The following PKHD1L1 variants were observed in gnomAD, a reference collection of about 807,000 sequenced individuals.
PKHD1L1 encodes PKHD1 like 1.
PKHD1L1 carries 434 observed loss-of-function variants against 462.9 expected under a neutral mutation model. The ratio of observed to expected loss-of-function variants is 0.94; its 90% CI spans 0.87 to 1.02. The LOEUF (loss-of-function observed/expected upper bound fraction) is 1.02. Among genes scored for constraint, PKHD1L1 ranks in the 50% least tolerant of loss-of-function variants. PKHD1L1 has a pLI of 0.00. For missense variants in PKHD1L1, 5,202 were observed against 5,096.1 expected (o/e 1.02, Z -0.63); for synonymous variants, 1,781 against 1,750.0 (o/e 1.02, Z -0.44).
chr8:109,443,796 G>A lies in PKHD1L1; in HGVS notation c.4685G>A (p.Ser1562Asn). 6.2e-7 allele frequency: 1 copy of A among 1,613,774 alleles called. No homozygotes were observed. The highest frequency in any genetic ancestry group is 8.5e-7 in the Non-Finnish European group (1 of 1,179,770). ...NSKRLLFEVSSCFSPSISNIT... is the reference protein window; with the variant it reads ...NSKRLLFEVSNCFSPSISNIT... ...AAAAGATTGCTATTTGAGGTTTCAAGTTGTTTTTCACCATCTATAAGCAAC... is the reference window on the plus strand; with the variant it reads ...AAAAGATTGCTATTTGAGGTTTCAAATTGTTTTTCACCATCTATAAGCAAC... The change falls in exon 37 of 78, where the codon AGT (serine) becomes AAT (asparagine). Residue 1562 changes from serine to asparagine, a missense_variant. Physicochemically the swap from Ser to Asn is conservative, Grantham distance 46. This residue lies in a region of PKHD1L1 where 4,497 missense variants were observed against 4,336.8 expected (regional missense o/e 1.04). Coordinates refer to ENST00000378402, the MANE Select transcript of PKHD1L1 (RefSeq NM_177531.6).
intron 22 of PKHD1L1, among the ~76,000 whole-genome samples, chr8:109,420,083 T>G (rs1427782154): frequency 6.6e-6 from 1 of 152,162 alleles, no homozygotes; most frequent in Non-Finnish European, 1.5e-5. Context: ...TGTCAGGCAT[T>G]GTGTCAAGTA....
At chr8:109,463,680 C>G (rs980397191) in intron 48 of PKHD1L1, among the ~76,000 whole-genome samples, 3 of 152,092 alleles carry the variant, frequency 2.0e-5, no homozygotes, top group African/African-American at 7.2e-5. Flanking sequence ...TAGAGTTAGA[C>G]CAACTTGGGT....
At chr8:109,480,632 C>T (rs1277673596) in intron 55 of PKHD1L1, 1 of 455,288 alleles carries the variant, frequency 2.2e-6, no homozygotes, top group South Asian at 1.6e-5. Context: ...GGTCTTGAAC[C>T]TGTACCAGCT....
intron 4 of PKHD1L1, among the ~76,000 whole-genome samples, 189 bp downstream of exon 4, chr8:109,382,760 G>A (rs1563723235): frequency 6.6e-6 from 1 of 151,444 alleles, no homozygotes. Context: ...TTTCTGATTT[G>A]TTTCCCCTCC....
chr8:109,411,835 C>T (rs1813871498), intron 19 of PKHD1L1, among the ~76,000 whole-genome samples: 3 of 152,172 alleles, frequency 2.0e-5, no homozygotes, highest in Non-Finnish European at 4.4e-5. Flanking sequence ...AGATGCCTCC[C>T]TTGAGCCTTA....
chr8:109,445,187 G>A lies in PKHD1L1; in HGVS notation c.5318G>A (p.Gly1773Glu). The A allele has an allele frequency of 6.2e-7, 1 of 1,613,894 alleles. No individual in the cohort carries two copies. Among genetic ancestry groups the A allele is most frequent in the South Asian group, 1.1e-5 (1 of 91,082 alleles). The change falls in exon 38 of 78, where the codon GGG (glycine) becomes GAG (glutamate). Residue 1773 changes from glycine (G) to glutamate (E), a missense_variant. Gly to Glu is a moderately conservative substitution (Grantham distance 98). Around this residue, in one of 3 missense-constraint regions of PKHD1L1, gnomAD observed 4,497 missense variants for 4,336.8 expected, o/e 1.04. Coordinates refer to ENST00000378402, the MANE Select transcript of PKHD1L1 (RefSeq NM_177531.6). ...VKVLIEGEGL[G>E]TVLEDIAVFI... ...GTTCTTATTGAAGGAGAAGGTTTGG[G>A]GACTGTTTTGGAGGACATTGCTGTT...
At chr8:109,436,587 G>C (rs950492699) in intron 30 of PKHD1L1, 128 bp downstream of exon 30, 1 of 1,422,088 alleles carries the variant, frequency 7.0e-7, no homozygotes, top group Non-Finnish European at 9.3e-7. Flanking sequence ...TTTCTATTAT[G>C]CTCCTTAAAA....
Position 109,442,107 on chromosome 8 carries a change from A to G in PKHD1L1, c.4305A>G (p.Ile1435Met). The change falls in exon 35 of 78, where the codon ATA (isoleucine) becomes ATG (methionine). Residue 1435 changes from isoleucine to methionine, a missense_variant. Around this residue, in one of 3 missense-constraint regions of PKHD1L1, gnomAD observed 4,497 missense variants for 4,336.8 expected, o/e 1.04. Transcript: ENST00000378402. Reference sequence around the variant, plus strand: ...AAACACATCCGTTTCTTAGAGGGATAGGATATAGGATTTTTTCTGTCTCCA... The same window carrying G: ...AAACACATCCGTTTCTTAGAGGGATGGGATATAGGATTTTTTCTGTCTCCA... ...HWQTHPFLRGIGYRIFSVSSP... is the reference protein window; with the variant it reads ...HWQTHPFLRGMGYRIFSVSSP... The G allele has an allele frequency of 6.2e-7, 1 of 1,613,528 alleles. No homozygotes were observed. The highest frequency in any genetic ancestry group is 8.5e-7 in the Non-Finnish European group (1 of 1,179,576).
chr8:109,364,665 G>A, intron 2 of PKHD1L1, 29 bp downstream of exon 2: 1 of 477,236 alleles, frequency 2.1e-6, no homozygotes, highest in Non-Finnish European at 2.8e-6. Context: ...TTTTTTTTTT[G>A]CCAAGGTTGA....
rs527266095 is a variant in PKHD1L1, at chr8:109,401,447, G to A, written c.1282-50G>A. 1.0e-4 allele frequency: 98 copies of A among 935,286 alleles called. No individual in the cohort carries two copies. In the East Asian group the frequency reaches 2.2e-3, roughly 21 times the overall value. 57.9% of individuals were successfully genotyped at this position (935,286 alleles called of 1,614,324 possible). On this transcript the variant is annotated intron_variant, in intron 13 of 77. Coordinates refer to ENST00000378402, the MANE Select transcript of PKHD1L1 (RefSeq NM_177531.6). ...TGATAAATAAATAAATGTTGAAAAG[G>A]TCTATTAATAAATTCTCCCTTTTCT...
chr8:109,403,931 C>G (rs1813398962), intron 14 of PKHD1L1, among the ~76,000 whole-genome samples: 1 of 152,080 alleles, frequency 6.6e-6, no homozygotes, highest in African/African-American at 2.4e-5. Flanking sequence ...TCAGTGAAGG[C>G]ACTACCTTGG....
chr8:109,426,862 A>G (rs2130673814), intron 24 of PKHD1L1, 140 bp from the exon 25 acceptor site: 1 of 623,908 alleles, frequency 1.6e-6, no homozygotes, highest in Admixed American at 2.5e-5. Context: ...CATGTTGGCC[A>G]GGCTGATCTC....
At chr8:109,496,076 G>A (rs1437038504) in intron 63 of PKHD1L1, among the ~76,000 whole-genome samples, 3 of 152,036 alleles carry the variant, frequency 2.0e-5, no homozygotes, top group Admixed American at 2.0e-4. Flanking sequence ...TTCCTAAAAG[G>A]TTAAACAACT....
In PKHD1L1 at chr8:109,444,929, C is replaced by T; in HGVS notation, c.5060C>T (p.Ser1687Phe). 1.2e-6 allele frequency: 2 copies of T among 1,614,008 alleles called. No individual in the cohort carries two copies. Among genetic ancestry groups the T allele is most frequent in the African/African-American group, 1.3e-5 (1 of 75,052 alleles). ...ATAAAAGGCTCTGGATTTGCCGTTT[C>T]TTCTGCAGGTGTAAAAGTCCTTATG... ...VTIKGSGFAV[S>F]SAGVKVLMGH... Residue 1687 changes from serine to phenylalanine, a missense_variant, in exon 38 of 78, where the codon TCT becomes TTT. Transcript: ENST00000378402.
intron 76 of PKHD1L1, among the ~76,000 whole-genome samples, chr8:109,526,297 C>T (rs978007481): frequency 6.6e-6 from 1 of 152,172 alleles, no homozygotes; most frequent in Non-Finnish European, 1.5e-5. Context: ...TAATGGAAGG[C>T]ATATGGTTGT....
intron 67 of PKHD1L1, among the ~76,000 whole-genome samples, chr8:109,499,599 C>T (rs1369335646): frequency 6.6e-6 from 1 of 152,026 alleles, no homozygotes; most frequent in South Asian, 2.1e-4. Context: ...ATGAAACTGC[C>T]CTTATGAAAT....
At chr8:109,514,007 G>A (rs983681182) in intron 71 of PKHD1L1, among the ~76,000 whole-genome samples, 2 of 151,864 alleles carry the variant, frequency 1.3e-5, no homozygotes, top group African/African-American at 4.8e-5. Flanking sequence ...TTTCCCTATC[G>A]GTCTCTGTCC....
chr8:109,430,014 T>C lies in PKHD1L1; in HGVS notation c.3206T>C (p.Val1069Ala), dbSNP rs202009598. 1.1e-5 allele frequency: 17 copies of C among 1,609,564 alleles called. No individual in the cohort carries two copies. The African/African-American group carries it at 1.2e-4, about 11-fold the overall frequency. ...FTWDSNITPL[V>A]LAISPSQGSY... ...TGGGATTCCAACATTACTCCCCTAG[T>C]CTTGGCGATAAGCCCTTCTCAAGGT... Residue 1069 changes from valine (V) to alanine (A), a missense_variant, in exon 27 of 78, where the codon GTC (valine) becomes GCC (alanine). Coordinates refer to ENST00000378402, the MANE Select transcript of PKHD1L1 (RefSeq NM_177531.6).
chr8:109,484,890 C>T lies in PKHD1L1; in HGVS notation c.9577-154C>T, dbSNP rs138687507. On this transcript the variant is annotated intron_variant, in intron 57 of 77. Coordinates refer to ENST00000378402, the MANE Select transcript of PKHD1L1 (RefSeq NM_177531.6). ...TTAATATCAAACACAAGCATATATA[C>T]CTTTAGAGACTTCAATGTACTGTTT... 1.2e-4 allele frequency among the ~76,000 whole-genome samples: 18 copies of T among 151,834 alleles called. 1 individual carries two copies. In the East Asian group the frequency reaches 3.5e-3, roughly 29 times the overall value.
Sources: gnomAD v4.1 joint callset for allele counts (sites outside exome capture counted in the v4.1 genomes callset) on GRCh38, gnomAD v4.1.1 for gene constraint, gnomAD v4.1.1 regional missense constraint, MANE v1.5 for transcripts, NCBI Gene and HGNC (gene_info 2026-07-23, HGNC 2026-07-21) for gene names.